FHIT: variants seen among roughly 807,000 people sequenced by gnomAD.
FHIT encodes the protein bis(5'-adenosyl)-triphosphatase.
A neutral mutation model predicts 17.9 loss-of-function variants in FHIT; 19 were observed. The observed-to-expected ratio is 1.06, with a 90% CI of 0.74 to 1.56. The LOEUF is 1.56. FHIT is among the 40% of genes most tolerant of loss of function. The pLI, the probability that FHIT is intolerant of heterozygous loss-of-function variation, is 0.00. For missense variants in FHIT, 248 were observed against 189.2 expected (o/e 1.31, Z -1.82); for synonymous variants, 81 against 69.7 (o/e 1.16, Z -0.81).
rs375974124 is a variant in FHIT at position 61,139,093 on chromosome 3, G to A, written c.-164+61524C>T. Among the ~76,000 whole-genome samples the A allele has an allele frequency of 6.2e-4, 92 of 149,346 alleles. No homozygotes were observed. The Middle Eastern group carries it at 0.017, about 28-fold the overall frequency. Reference sequence around the variant, plus strand: ...CACCAAGGCTGGAGTGCAGTGGTGCGATCTCGGCTCACTGCAACCTCCGCC... The same window carrying A: ...CACCAAGGCTGGAGTGCAGTGGTGCAATCTCGGCTCACTGCAACCTCCGCC... On this transcript the variant is annotated intron_variant, in intron 2 of 9. Coordinates refer to ENST00000492590, the MANE Select transcript of FHIT (RefSeq NM_002012.4).
chr3:60,862,585 C>T (rs1185942137), intron 3 of FHIT, among the ~76,000 whole-genome samples: 1 of 152,034 alleles, frequency 6.6e-6, no homozygotes, highest in African/African-American at 2.4e-5. Context: ...CATGGTGGCT[C>T]ACGCCTGTAA....
intron 8 of FHIT, among the ~76,000 whole-genome samples, chr3:59,911,495 CA>C (rs746016397): frequency 1.3e-5 from 2 of 152,128 alleles, no homozygotes; most frequent in Non-Finnish European, 1.5e-5. Context: ...AGCTAATTTT[CA>C]GGGAGATTCC....
Position 61,121,013 on chromosome 3 carries a change from A to T in FHIT, c.-163-78914T>A, listed in dbSNP as rs1241672646. On this transcript the variant is annotated intron_variant, in intron 2 of 9. Transcript: ENST00000492590. ...GGTATCAGAGATTGAAGATCAACTT[A>T]ATGAAATAAAGTGTGAAGACAAGAT... Among the ~76,000 whole-genome samples the T allele has an allele frequency of 2.0e-5, 3 of 151,954 alleles. No homozygotes were observed. In the East Asian group the frequency reaches 5.9e-4, roughly 30 times the overall value.
chr3:60,066,582 G>GTAC lies in FHIT; in HGVS notation c.104-52433_104-52431dup, dbSNP rs564855911. 2.7e-3 allele frequency among the ~76,000 whole-genome samples: 349 copies of GTAC among 131,318 alleles called. 1 individual carries two copies. The highest frequency in any genetic ancestry group is 4.4e-3 in the Non-Finnish European group (277 of 62,550). The allele number at this position is 131,318 out of a possible 152,430, so 86.1% of individuals were successfully genotyped here. On this transcript the variant is annotated intron_variant, in intron 5 of 9. Coordinates refer to ENST00000492590, the MANE Select transcript of FHIT (RefSeq NM_002012.4). The stretch of plus-strand genomic sequence containing the variant: ...TGGTCACGTAATCATGGGCCACCTT[G>GTAC]TACTGTTCACTGACTATTTGTTATA...
intron 7 of FHIT, among the ~76,000 whole-genome samples, chr3:59,994,372 C>A (rs934999164): frequency 1.3e-5 from 2 of 152,046 alleles, no homozygotes; most frequent in Admixed American, 6.6e-5. Flanking sequence ...TGCAGAGAAA[C>A]AATTAGAACT....
chr3:60,509,470 A>G (rs1464439769), intron 5 of FHIT, among the ~76,000 whole-genome samples: 1 of 152,242 alleles, frequency 6.6e-6, no homozygotes, highest in Non-Finnish European at 1.5e-5. Context: ...TCTCTGTTAG[A>G]CTGAATCCAC....
intron 8 of FHIT, among the ~76,000 whole-genome samples, chr3:59,820,730 A>T (rs1357933865): frequency 6.6e-6 from 1 of 152,200 alleles, no homozygotes; most frequent in Non-Finnish European, 1.5e-5. Flanking sequence ...TGCTTTGGAA[A>T]GATCCCTATG....
At chr3:60,670,597 A>G (rs1247525792) in intron 4 of FHIT, among the ~76,000 whole-genome samples, 5 of 152,202 alleles carry the variant, frequency 3.3e-5, no homozygotes, top group Non-Finnish European at 7.3e-5. Flanking sequence ...CTAGAACTTC[A>G]GAAAACACAA....
At chr3:59,794,338 A>G (rs907676041) in intron 8 of FHIT, among the ~76,000 whole-genome samples, 6 of 152,320 alleles carry the variant, frequency 3.9e-5, no homozygotes, top group African/African-American at 1.4e-4. Flanking sequence ...GAACATTACC[A>G]CAACTCAAAT....
chr3:60,924,953 G>A (rs1707501849), intron 3 of FHIT, among the ~76,000 whole-genome samples: 1 of 152,100 alleles, frequency 6.6e-6, no homozygotes, highest in Non-Finnish European at 1.5e-5. Flanking sequence ...GGAAGAAAGG[G>A]TATCAGTGAT....
intron 2 of FHIT, among the ~76,000 whole-genome samples, chr3:61,064,411 G>A (rs1189553818): frequency 6.6e-6 from 1 of 152,072 alleles, no homozygotes; most frequent in African/African-American, 2.4e-5. Flanking sequence ...AGCATGAAAG[G>A]AGCTTGGATC....
intron 4 of FHIT, among the ~76,000 whole-genome samples, chr3:60,569,573 C>G (rs1250601812): frequency 1.3e-5 from 2 of 151,576 alleles, no homozygotes. Flanking sequence ...AACGTAAGCT[C>G]TAGTGTCAGA....
At chr3:60,095,315 C>G (rs1703900390) in intron 5 of FHIT, among the ~76,000 whole-genome samples, 1 of 152,188 alleles carries the variant, frequency 6.6e-6, no homozygotes, top group Non-Finnish European at 1.5e-5. Flanking sequence ...TGTAGAAAGT[C>G]TTGAAATCGT....
chr3:60,173,908 TA>T (rs1559698574), intron 5 of FHIT, among the ~76,000 whole-genome samples: 13 of 81,164 alleles, frequency 1.6e-4, no homozygotes, highest in East Asian at 1.5e-3. Flanking sequence ...TATATATATA[TA>T]TATATATGTT....
intron 5 of FHIT, among the ~76,000 whole-genome samples, chr3:60,230,662 T>C (rs1704449864): frequency 6.6e-6 from 1 of 152,200 alleles, no homozygotes; most frequent in African/African-American, 2.4e-5. Flanking sequence ...AATAGCCTTA[T>C]GAGTAGAATG....
At chr3:59,920,162 C>A (rs1220906374) in intron 8 of FHIT, among the ~76,000 whole-genome samples, 1 of 152,156 alleles carries the variant, frequency 6.6e-6, no homozygotes, top group Non-Finnish European at 1.5e-5. Flanking sequence ...TATCTATTAA[C>A]AAATTCTTGG....
rs149775018 is a variant in FHIT at position 60,059,472 on chromosome 3, C to T, written c.104-45320G>A. Among the ~76,000 whole-genome samples the T allele has an allele frequency of 4.9e-3, 748 of 152,282 alleles. 7 individuals carry two copies. Among genetic ancestry groups the T allele is most frequent in the Non-Finnish European group, 8.0e-3 (544 of 68,026 alleles). ...GAAGTACAACAACATATAAAACCCA[C>T]GTCAAAAGGTCAAACGTTACATGTG... is the stretch of plus-strand genomic sequence containing the variant. On this transcript the variant is annotated intron_variant, in intron 5 of 9. Coordinates refer to ENST00000492590, the MANE Select transcript of FHIT (RefSeq NM_002012.4).
intron 1 of FHIT, among the ~76,000 whole-genome samples, chr3:61,212,375 T>C (rs557512812): frequency 6.6e-6 from 1 of 152,294 alleles, no homozygotes; most frequent in South Asian, 2.1e-4. Context: ...CAGGAGCCGA[T>C]GCGATCAACT....
At chr3:60,138,104 C>T (rs976868960) in intron 5 of FHIT, among the ~76,000 whole-genome samples, 1 of 152,166 alleles carries the variant, frequency 6.6e-6, no homozygotes, top group African/African-American at 2.4e-5. Flanking sequence ...TGGCTCCAAT[C>T]GAAGATCGTC....
Sources: allele counts gnomAD v4.1 joint callset (sites outside exome capture counted in the v4.1 genomes callset), GRCh38; gene constraint gnomAD v4.1.1; transcripts MANE v1.5; gene names NCBI Gene and HGNC (gene_info 2026-07-23, HGNC 2026-07-21).